The following COLEC12 variants were observed in gnomAD, a reference collection of about 807,000 sequenced individuals.
The protein encoded by COLEC12 is collectin-12.
A neutral mutation model predicts 71.1 loss-of-function variants in COLEC12; 33 were observed. The observed-to-expected ratio is 0.46, with a 90% CI of 0.35 to 0.62. The LOEUF is 0.62. Ranked by LOEUF, COLEC12 falls within the 20% of genes least tolerant of loss-of-function variation. The pLI is 0.00. For synonymous variants in COLEC12, 350 were observed against 353.0 expected (o/e 0.99, Z 0.10); for missense variants, 765 against 916.1 (o/e 0.84, Z 2.13).
intron 5 of COLEC12, among the ~76,000 whole-genome samples, chr18:336,731 T>G (rs1224230804): frequency 2.0e-5 from 3 of 152,192 alleles, no homozygotes; most frequent in Non-Finnish European, 4.4e-5. Context: ...GTAGTGGAGC[T>G]GGGGCATGAA....
At chr18:369,449 GTTT>G (rs56254829) in intron 2 of COLEC12, among the ~76,000 whole-genome samples, 45 of 131,846 alleles carry the variant, frequency 3.4e-4, no homozygotes, top group East Asian at 1.3e-3. Context: ...TTGGAATAAT[GTTT>G]TTTTTTTTTA....
chr18:436,005 A>C (rs149868158), intron 2 of COLEC12, among the ~76,000 whole-genome samples: 1 of 152,192 alleles, frequency 6.6e-6, no homozygotes, highest in Non-Finnish European at 1.5e-5. Context: ...TCTGGAGAGA[A>C]TTTAAGTCAG....
At chr18:495,492 T>C (rs1280151797) in intron 1 of COLEC12, among the ~76,000 whole-genome samples, 2 of 152,168 alleles carry the variant, frequency 1.3e-5, no homozygotes, top group Non-Finnish European at 2.9e-5. Flanking sequence ...TCCACATTCA[T>C]TCAATCAGCG....
Position 318,008 on chromosome 18 carries a change from G to C in COLEC12, c.*2037C>G, listed in dbSNP as rs1305578885. 1 of 148,492 alleles carries C rather than the reference G, an allele frequency of 6.7e-6. No homozygotes were observed. Among genetic ancestry groups the C allele is most frequent in the African/African-American group, 2.5e-5 (1 of 40,448 alleles). 9.2% of individuals were successfully genotyped at this position (148,492 alleles called of 1,614,324 possible). ...TTTTTTTCTTTTTGAGATGAGTCTC[G>C]CTCTGTCGCCCAGGCTGGAGTGCAG... On this transcript the variant is annotated 3_prime_UTR_variant, in exon 10 of 10. Coordinates refer to ENST00000400256, the MANE Select transcript of COLEC12 (RefSeq NM_130386.3).
At chr18:397,260 T>G (rs1053856179) in intron 2 of COLEC12, among the ~76,000 whole-genome samples, 1 of 152,216 alleles carries the variant, frequency 6.6e-6, no homozygotes, top group African/African-American at 2.4e-5. Context: ...AACATCAACC[T>G]TAGTCAATGA....
chr18:393,130 T>C (rs1235155963), intron 2 of COLEC12, among the ~76,000 whole-genome samples: 2 of 152,226 alleles, frequency 1.3e-5, no homozygotes, highest in Non-Finnish European at 2.9e-5. Context: ...TGGTCCCATG[T>C]AGAGCTGCTT....
Position 418,704 on chromosome 18 carries a change from A to G in COLEC12, c.59-61182T>C, listed in dbSNP as rs566415513. On this transcript the variant is annotated intron_variant, in intron 2 of 9. Transcript: ENST00000400256. ...GCTACACTCCCACCAGCGCCATGACAGTTTACAGATGCCATGGCAACATCA... is the reference window on the plus strand; with the variant it reads ...GCTACACTCCCACCAGCGCCATGACGGTTTACAGATGCCATGGCAACATCA... 1.7e-4 allele frequency among the ~76,000 whole-genome samples: 26 copies of G among 152,332 alleles called. No individual in the cohort carries two copies. In the East Asian group the frequency reaches 5.0e-3, roughly 29 times the overall value.
At chr18:334,698 T>C (rs372533654) in intron 6 of COLEC12, 44 bp downstream of exon 6, 1 of 1,434,574 alleles carries the variant, frequency 7.0e-7, no homozygotes, top group Non-Finnish European at 9.1e-7. Flanking sequence ...CTCAAGCACA[T>C]GCACTGCCCT....
chr18:479,521 T>C (rs1917369801), intron 2 of COLEC12, among the ~76,000 whole-genome samples: 1 of 149,904 alleles, frequency 6.7e-6, no homozygotes, highest in African/African-American at 2.5e-5. Flanking sequence ...TTCATTCATT[T>C]TCATACTCTC....
At chr18:447,243 C>A (rs957020382) in intron 2 of COLEC12, among the ~76,000 whole-genome samples, 2 of 152,234 alleles carry the variant, frequency 1.3e-5, no homozygotes, top group Non-Finnish European at 2.9e-5. Flanking sequence ...ACACACAATT[C>A]AGGTCATCTA....
chr18:322,425 T>C (rs1913730742), intron 8 of COLEC12, among the ~76,000 whole-genome samples: 1 of 152,246 alleles, frequency 6.6e-6, no homozygotes, highest in South Asian at 2.1e-4. Context: ...TTACTGAAAA[T>C]GACTCCTACA....
At chr18:477,282 G>C (rs546643328) in intron 2 of COLEC12, among the ~76,000 whole-genome samples, 1 of 152,298 alleles carries the variant, frequency 6.6e-6, no homozygotes, top group South Asian at 2.1e-4. Flanking sequence ...AAACACCTCT[G>C]AATAATAACT....
intron 5 of COLEC12, among the ~76,000 whole-genome samples, chr18:338,940 A>C (rs1380819728): frequency 6.6e-6 from 1 of 151,974 alleles, no homozygotes; most frequent in Non-Finnish European, 1.5e-5. Context: ...GCATATTGGG[A>C]AATTCAAGTG....
intron 1 of COLEC12, among the ~76,000 whole-genome samples, chr18:486,325 C>T (rs1002353635): frequency 2.6e-5 from 4 of 152,266 alleles, no homozygotes; most frequent in African/African-American, 7.2e-5. Flanking sequence ...GCTGGGATTA[C>T]AGGCCTGCGC....
In COLEC12 at chr18:350,959, C is replaced by CAA. The variant is rs71174228; in HGVS notation, c.182-2798_182-2797dup. On this transcript the variant is annotated intron_variant, in intron 3 of 9. Transcript: ENST00000400256. ...TGGGCAACAGAGCGAGACTCTGTCT[C>CAA]AAAAAAAAAAAAAAAAAAGACTTCA... is the stretch of plus-strand genomic sequence containing the variant. Among the ~76,000 whole-genome samples, 220 of 66,314 alleles carry CAA rather than the reference C, an allele frequency of 3.3e-3. 5 individuals carry two copies. The East Asian group carries it at 0.074, about 22-fold the overall frequency. 43.5% of individuals were successfully genotyped at this position (66,314 alleles called of 152,430 possible).
At chr18:460,229 C>G (rs771911146) in intron 2 of COLEC12, among the ~76,000 whole-genome samples, 55 of 152,126 alleles carry the variant, frequency 3.6e-4, no homozygotes, top group Non-Finnish European at 7.4e-4. Context: ...AAATTTTATT[C>G]TTCTTCCGTG....
In COLEC12 at chr18:318,051, AC is replaced by A. The variant is rs1411185854; in HGVS notation, c.*1993del. 11 of 145,398 alleles carry A rather than the reference AC, an allele frequency of 7.6e-5. No homozygotes were observed. Among genetic ancestry groups the A allele is most frequent in the African/African-American group, 2.5e-4 (10 of 39,978 alleles). 9.0% of individuals were successfully genotyped at this position (145,398 alleles called of 1,614,324 possible). A position where few individuals can be genotyped will look rare whatever the true frequency, so the allele number is the denominator to read the frequency against. On this transcript the variant is annotated 3_prime_UTR_variant, in exon 10 of 10. Transcript: ENST00000400256. ...GAGTGCAGTGGCGCGATCTCGGCTC[AC>A]TGCAAGCTCCGCTTCCTGGGTTCAC...
At chr18:450,235 C>G (rs1447492325) in intron 2 of COLEC12, among the ~76,000 whole-genome samples, 1 of 152,168 alleles carries the variant, frequency 6.6e-6, no homozygotes, top group East Asian at 1.9e-4. Flanking sequence ...TCTTTTCCGC[C>G]TATTTCACTG....
chr18:418,555 T>A lies in COLEC12; in HGVS notation c.59-61033A>T, dbSNP rs142369852. Among the ~76,000 whole-genome samples, 1,255 of 152,244 alleles carry A rather than the reference T, an allele frequency of 8.2e-3. 21 individuals carry two copies. Among genetic ancestry groups the A allele is most frequent in the African/African-American group, 0.029 (1,198 of 41,548 alleles). ...AGGCATTCTAAATCACAGGATAAGA[T>A]AGGAGGTCAGCACAAAATACAGGTC... On this transcript the variant is annotated intron_variant, in intron 2 of 9. Transcript: ENST00000400256.
Sources: gnomAD v4.1 joint callset for allele counts (sites outside exome capture counted in the v4.1 genomes callset) on GRCh38, gnomAD v4.1.1 for gene constraint, MANE v1.5 for transcripts, NCBI Gene and HGNC (gene_info 2026-07-23, HGNC 2026-07-21) for gene names.